CNTN5: variants seen among roughly 807,000 people sequenced by gnomAD.
The protein encoded by CNTN5 is contactin-5.
Under a neutral mutation model 129.1 loss-of-function variants are expected in CNTN5, and 77 were observed. The observed-to-expected ratio is 0.60, with a 90% confidence interval of 0.50 to 0.72. The LOEUF is 0.72. Ranked by LOEUF, CNTN5 falls within the 30% of genes least tolerant of loss-of-function variation. The pLI is 0.00. For missense variants in CNTN5, 1,478 were observed against 1,328.8 expected, an observed-to-expected ratio of 1.11 and a Z score of -1.75; for synonymous variants, 509 against 465.6, an observed-to-expected ratio of 1.09 and a Z score of -1.20.
intron 16 of CNTN5, among the ~76,000 whole-genome samples, chr11:100,236,121 T>C (rs781303225): frequency 1.3e-5 from 2 of 152,190 alleles, no homozygotes; most frequent in Non-Finnish European, 2.9e-5. Flanking sequence ...TTTTTCCCTG[T>C]TCAGGGAACA....
intron 1 of CNTN5, among the ~76,000 whole-genome samples, chr11:99,133,848 G>A (rs569464062): frequency 6.6e-6 from 1 of 152,262 alleles, no homozygotes; most frequent in South Asian, 2.1e-4. Context: ...AGACAATGTG[G>A]TGATTCCTCA....
At chr11:99,143,619 C>T (rs2135468361) in intron 1 of CNTN5, among the ~76,000 whole-genome samples, 1 of 152,086 alleles carries the variant, frequency 6.6e-6, no homozygotes, top group African/African-American at 2.4e-5. Flanking sequence ...TGTCAAGAGG[C>T]AAGCTGTACA....
intron 1 of CNTN5, among the ~76,000 whole-genome samples, chr11:99,230,030 T>C (rs1157992937): frequency 6.6e-6 from 1 of 152,136 alleles, no homozygotes; most frequent in Admixed American, 6.6e-5. Context: ...TATGCTTCCA[T>C]TGGAATTTTC....
At chr11:99,615,190 A>C (rs1338645076) in intron 3 of CNTN5, among the ~76,000 whole-genome samples, 19 of 151,666 alleles carry the variant, frequency 1.3e-4, no homozygotes, top group Non-Finnish European at 2.8e-4. Context: ...AGAAATCATA[A>C]ATACTTGAAA....
At chr11:99,692,386 T>C (rs539872729) in intron 3 of CNTN5, among the ~76,000 whole-genome samples, 1 of 152,308 alleles carries the variant, frequency 6.6e-6, no homozygotes, top group Admixed American at 6.5e-5. Context: ...TGGTTTTTCT[T>C]TTCCGTGTTT....
chr11:99,718,783 C>T (rs1426262978), intron 3 of CNTN5, among the ~76,000 whole-genome samples: 1 of 152,042 alleles, frequency 6.6e-6, no homozygotes, highest in African/African-American at 2.4e-5. Flanking sequence ...CCATATTTAA[C>T]TCTAAAATAC....
At chr11:99,126,761 C>T (rs887738818) in intron 1 of CNTN5, among the ~76,000 whole-genome samples, 10 of 152,286 alleles carry the variant, frequency 6.6e-5, no homozygotes, top group African/African-American at 2.4e-4. Flanking sequence ...TCACTTTAAC[C>T]TTTCAAAATT....
chr11:99,336,192 A>T (rs1339825209), intron 2 of CNTN5, among the ~76,000 whole-genome samples: 1 of 152,180 alleles, frequency 6.6e-6, no homozygotes, highest in African/African-American at 2.4e-5. Flanking sequence ...ATATCAATCA[A>T]ATTAGCTATT....
At chr11:100,332,447 AAGAC>A (rs1951924943) in intron 21 of CNTN5, among the ~76,000 whole-genome samples, 1 of 152,278 alleles carries the variant, frequency 6.6e-6, no homozygotes, top group East Asian at 1.9e-4. Flanking sequence ...ACTACTCAAA[AAGAC>A]AGAGAAAGAG....
intron 3 of CNTN5, among the ~76,000 whole-genome samples, chr11:99,725,294 G>C (rs1286498540): frequency 6.6e-6 from 1 of 152,080 alleles, no homozygotes; most frequent in Non-Finnish European, 1.5e-5. Context: ...CGTAGGTATG[G>C]ATTTTTTGTT....
rs147473887 is a variant in CNTN5, at chr11:100,111,759, G to A, written c.1580+37465G>A. Among the ~76,000 whole-genome samples the A allele has an allele frequency of 6.2e-3, 949 of 152,110 alleles. 8 individuals are homozygous for A. The highest frequency in any genetic ancestry group is 0.02 in the African/African-American group (830 of 41,510). ...TCTCTAGATCTCATTCATCTTAACC[G>A]AAATTTTATGCCTGTTGATTAATAT... On this transcript the variant is annotated intron_variant, in intron 13 of 24. Transcript: ENST00000524871.
At chr11:100,013,559 A>G (rs557073296) in intron 9 of CNTN5, among the ~76,000 whole-genome samples, 4 of 152,298 alleles carry the variant, frequency 2.6e-5, no homozygotes, top group African/African-American at 9.6e-5. Context: ...TCAGATTCCA[A>G]CAACATCTCT....
chr11:99,834,008 A>G (rs924486612), intron 4 of CNTN5, among the ~76,000 whole-genome samples: 12 of 152,196 alleles, frequency 7.9e-5, no homozygotes, highest in African/African-American at 2.7e-4. Flanking sequence ...CCTGACAGGC[A>G]TTTTTGTGAG....
At chr11:100,175,813 A>T (rs1947947007) in intron 13 of CNTN5, among the ~76,000 whole-genome samples, 1 of 152,110 alleles carries the variant, frequency 6.6e-6, no homozygotes, top group South Asian at 2.1e-4. Context: ...AAGTAGTATG[A>T]TGTCTGACAC....
At chr11:99,614,949 A>G (rs1196916244) in intron 3 of CNTN5, among the ~76,000 whole-genome samples, 1 of 151,056 alleles carries the variant, frequency 6.6e-6, no homozygotes, top group Non-Finnish European at 1.5e-5. Flanking sequence ...ACTGTTGTTT[A>G]TGTGTGTGTG....
intron 1 of CNTN5, among the ~76,000 whole-genome samples, chr11:99,046,741 A>T (rs1375718290): frequency 6.6e-6 from 1 of 152,168 alleles, no homozygotes; most frequent in East Asian, 1.9e-4. Context: ...CATAATACAA[A>T]TAAGGAAACT....
At chr11:99,551,910 CTTT>C (rs1334801874) in intron 2 of CNTN5, among the ~76,000 whole-genome samples, 4 of 139,914 alleles carry the variant, frequency 2.9e-5, no homozygotes, top group Admixed American at 7.2e-5. Context: ...TGAGTTTTTT[CTTT>C]TTTTTTTTTT....
chr11:99,256,096 A>G (rs1047660383), intron 1 of CNTN5, among the ~76,000 whole-genome samples: 1 of 152,176 alleles, frequency 6.6e-6, no homozygotes, highest in Non-Finnish European at 1.5e-5. Flanking sequence ...CAATTAGAAA[A>G]CATATTCAAT....
chr11:99,200,622 A>G (rs1859122136), intron 1 of CNTN5, among the ~76,000 whole-genome samples: 1 of 152,190 alleles, frequency 6.6e-6, no homozygotes, highest in Non-Finnish European at 1.5e-5. Flanking sequence ...TCCAATATGG[A>G]ATAAAGTACT....
Sources: allele counts gnomAD v4.1 joint callset (sites outside exome capture counted in the v4.1 genomes callset), GRCh38; gene constraint gnomAD v4.1.1; transcripts MANE v1.5; gene names NCBI Gene and HGNC (gene_info 2026-07-23, HGNC 2026-07-21).